C2orf42: variants seen among roughly 807,000 people sequenced by gnomAD.
The protein encoded by C2orf42 is uncharacterized protein C2orf42.
Under a neutral mutation model 58.9 loss-of-function variants are expected in C2orf42, and 44 were observed. That is an observed-to-expected ratio of 0.75 (90% CI 0.59 to 0.96). The LOEUF (loss-of-function observed/expected upper bound fraction) is 0.96, where lower values mean the gene tolerates loss of function less well. Among genes scored for constraint, C2orf42 ranks in the 40% least tolerant of loss-of-function variants. C2orf42 has a pLI of 0.00. For synonymous variants in C2orf42, 239 were observed against 265.4 expected, an observed-to-expected ratio of 0.90 and a Z score of 0.97; for missense variants, 630 against 699.2, an observed-to-expected ratio of 0.90 and a Z score of 1.12.
chr2:70,178,084 G>C (rs182572657), intron 4 of C2orf42, among the ~76,000 whole-genome samples: 2 of 152,236 alleles, frequency 1.3e-5, no homozygotes, highest in African/African-American at 4.8e-5. Flanking sequence ...CACAAACTTT[G>C]CTAATTTGGT....
chr2:70,173,306 C>T (rs1673958688), intron 5 of C2orf42, among the ~76,000 whole-genome samples: 1 of 127,476 alleles, frequency 7.8e-6, no homozygotes, highest in Non-Finnish European at 1.6e-5. Flanking sequence ...CGGAGTCTCA[C>T]TCTGTTGCCC....
chr2:70,157,959 G>A (rs1672789185), intron 9 of C2orf42, among the ~76,000 whole-genome samples: 2 of 152,092 alleles, frequency 1.3e-5, no homozygotes, highest in South Asian at 4.1e-4. Context: ...CCAGCACTTT[G>A]GGAGGCCGAG....
At chr2:70,177,075 C>T (rs1365318921) in intron 4 of C2orf42, among the ~76,000 whole-genome samples, 1 of 151,960 alleles carries the variant, frequency 6.6e-6, no homozygotes, top group East Asian at 1.9e-4. Context: ...AGTTTGAGAC[C>T]AGTCTGGCCA....
At chr2:70,189,817 GGAGTTCAAGACCAGCC>G (rs1370974726) in intron 1 of C2orf42, among the ~76,000 whole-genome samples, 15 of 151,696 alleles carry the variant, frequency 9.9e-5, no homozygotes, top group African/African-American at 3.6e-4. Context: ...ACTGAGCTCA[GGAGTTCAAGACCAGCC>G]TGGGCAACAT....
At chr2:70,157,966 C>T (rs1451833341) in intron 9 of C2orf42, among the ~76,000 whole-genome samples, 1 of 151,960 alleles carries the variant, frequency 6.6e-6, no homozygotes, top group African/African-American at 2.4e-5. Context: ...TTTGGGAGGC[C>T]GAGGTGGGCG....
chr2:70,179,146 T>A (rs1040532391), intron 4 of C2orf42, among the ~76,000 whole-genome samples: 1 of 152,264 alleles, frequency 6.6e-6, no homozygotes, highest in Non-Finnish European at 1.5e-5. Flanking sequence ...TACAAACATA[T>A]ACAGTAAAAG....
chr2:70,189,642 T>TG (rs1558696729), intron 1 of C2orf42, among the ~76,000 whole-genome samples: 1 of 135,190 alleles, frequency 7.4e-6, no homozygotes, highest in East Asian at 2.2e-4. Context: ...GCGTGAACCC[T>TG]GGGGGGTGGA....
At chr2:70,153,237 G>A (rs1672419538) in intron 9 of C2orf42, among the ~76,000 whole-genome samples, 1 of 152,058 alleles carries the variant, frequency 6.6e-6, no homozygotes. Flanking sequence ...ACTGTGGTAG[G>A]AAAGAGAAAC....
At chr2:70,165,679 G>A (rs879201049) in intron 6 of C2orf42, 44 bp from the exon 7 acceptor site, 1 of 1,059,464 alleles carries the variant, frequency 9.4e-7, no homozygotes, top group Admixed American at 1.7e-5. Context: ...GAAACTCAGT[G>A]GACTTTCTGA....
Position 70,181,970 on chromosome 2 carries a change from G to T in C2orf42, c.16C>A (p.Leu6Met), listed in dbSNP as rs1270790799. Residue 6 changes from leucine (L) to methionine (M), a missense_variant, in exon 3 of 10, where the codon CTG becomes ATG. Coordinates refer to ENST00000264434, the MANE Select transcript of C2orf42 (RefSeq NM_017880.3). ...AAGAAAGCTGGGACTTTAGTCCTCA[G>T]AGAATTTGGTTCCATTTTTCAGAGG... Reference protein sequence around the residue: MEPNSLRTKVPAFLSD... With the variant: MEPNSMRTKVPAFLSD... The T allele has an allele frequency of 1.2e-6, 2 of 1,608,624 alleles. No homozygotes were observed. Among genetic ancestry groups the T allele is most frequent in the Non-Finnish European group, 1.7e-6 (2 of 1,176,436 alleles).
At chr2:70,165,434 G>T in intron 7 of C2orf42, 94 bp downstream of exon 7, 1 of 759,942 alleles carries the variant, frequency 1.3e-6, no homozygotes, top group South Asian at 1.6e-5. Context: ...TCCTAACTCT[G>T]AATACTCACG....
At chr2:70,163,466 C>T (rs985477918) in intron 8 of C2orf42, among the ~76,000 whole-genome samples, 21 of 151,290 alleles carry the variant, frequency 1.4e-4, no homozygotes, top group East Asian at 2.0e-4. Flanking sequence ...AGGATGGTCT[C>T]GATCTCCTGA....
chr2:70,189,514 G>A (rs1425272192), intron 1 of C2orf42, among the ~76,000 whole-genome samples: 4 of 146,080 alleles, frequency 2.7e-5, no homozygotes, highest in African/African-American at 7.6e-5. Context: ...TCAGGAGATC[G>A]AGACCATCCT....
intron 4 of C2orf42, among the ~76,000 whole-genome samples, chr2:70,178,210 T>C (rs1419047944): frequency 6.6e-6 from 1 of 152,218 alleles, no homozygotes; most frequent in East Asian, 1.9e-4. Context: ...TCATTTTGTT[T>C]AGACTCTAGG....
intron 4 of C2orf42, among the ~76,000 whole-genome samples, chr2:70,177,091 G>A (rs1334382507): frequency 1.3e-5 from 2 of 151,998 alleles, no homozygotes; most frequent in Non-Finnish European, 2.9e-5. Flanking sequence ...GGCCAACATG[G>A]TGAAACCTCA....
intron 4 of C2orf42, 103 bp from the exon 5 acceptor site, chr2:70,175,880 T>G (rs1449900024): frequency 1.3e-6 from 1 of 776,240 alleles, no homozygotes; most frequent in Non-Finnish European, 2.2e-6. Context: ...CTTTGCTAAT[T>G]TCTAGGTTAG....
At chr2:70,180,808 C>A (rs879033826) in intron 3 of C2orf42, among the ~76,000 whole-genome samples, 2 of 150,566 alleles carry the variant, frequency 1.3e-5, no homozygotes, top group African/African-American at 4.9e-5. Context: ...TCAAGACCAG[C>A]CTCGGCAACA....
At chr2:70,154,414 TAAAAAAAAAAAAAAAA>T (rs36028499) in intron 9 of C2orf42, among the ~76,000 whole-genome samples, 97 of 25,620 alleles carry the variant, frequency 3.8e-3, no homozygotes, top group African/African-American at 0.013. Flanking sequence ...AAATTTTTAC[TAAAAAAAAAAAAAAAA>T]AAAAAAAAAA....
intron 9 of C2orf42, among the ~76,000 whole-genome samples, chr2:70,151,548 C>T (rs1672310731): frequency 2.6e-5 from 4 of 151,818 alleles, no homozygotes; most frequent in African/African-American, 7.3e-5. Context: ...GCAGAAGAAT[C>T]GCCTGAACCC....
Sources: gnomAD v4.1 joint callset for allele counts (sites outside exome capture counted in the v4.1 genomes callset) on GRCh38, gnomAD v4.1.1 for gene constraint, MANE v1.5 for transcripts, NCBI Gene and HGNC (gene_info 2026-07-23, HGNC 2026-07-21) for gene names.